The following TRIM32 variants were observed in gnomAD, a reference collection of about 807,000 sequenced individuals.
TRIM32 encodes tripartite motif containing 32.
Under a neutral mutation model 36.0 loss-of-function variants are expected in TRIM32, and 19 were observed. The observed-to-expected ratio is 0.53, with a 90% CI of 0.37 to 0.77. The LOEUF (loss-of-function observed/expected upper bound fraction) is 0.77. Among genes scored for constraint, TRIM32 ranks in the 30% least tolerant of loss-of-function variants. The probability of loss-of-function intolerance (pLI) is 0.00; values close to 1 mark genes in which losing one functional copy is unlikely to be tolerated. For missense variants in TRIM32, 747 were observed against 845.2 expected (o/e 0.88, Z 1.44); for synonymous variants, 309 against 318.5 (o/e 0.97, Z 0.32).
intron 1 of TRIM32, among the ~76,000 whole-genome samples, chr9:116,693,879 T>C (rs1213278855): frequency 2.0e-5 from 3 of 152,232 alleles, no homozygotes; most frequent in Non-Finnish European, 4.4e-5. Flanking sequence ...AGATGTGCCC[T>C]TCTGGAGGAG....
chr9:116,695,657 C>G (rs1398407196), intron 1 of TRIM32, among the ~76,000 whole-genome samples: 2 of 152,196 alleles, frequency 1.3e-5, no homozygotes, highest in Admixed American at 6.5e-5. Flanking sequence ...TGCACAGATA[C>G]AGCTGTAGGA....
chr9:116,699,667 TC>T lies in TRIM32; in HGVS notation c.1926del (p.Tyr643ThrfsTer5). On this transcript the variant is annotated frameshift_variant, in exon 2 of 2. Coordinates refer to ENST00000450136, the MANE Select transcript of TRIM32 (RefSeq NM_012210.4). LOFTEE classifies it high-confidence loss of function. The surrounding 1 kb of genome is among the most constrained non-coding windows in gnomAD (Gnocchi z 4.2). ...VLDCWDHCIKIYSYHLRRYST... is the reference protein window; with the variant it reads ...VLDCWDHCIKXYSYHLRRYST... ...GACTGTTGGGATCATTGCATCAAGA[TC>T]TACAGCTACCATCTGAGAAGATATT... 6.2e-7 allele frequency: 1 copy of T among 1,614,194 alleles called. No individual in the cohort carries two copies. The highest frequency in any genetic ancestry group is 1.1e-5 in the South Asian group (1 of 91,082).
chr9:116,698,021 G>A lies in TRIM32; in HGVS notation c.279G>A (p.Glu93=), dbSNP rs1189793134. 4 of 1,614,094 alleles carry A rather than the reference G, an allele frequency of 2.5e-6. No homozygotes were observed. The highest frequency in any genetic ancestry group is 3.4e-6 in the Non-Finnish European group (4 of 1,180,040). Residue 93 remains glutamate, a synonymous_variant, in exon 2 of 2, where the codon GAG becomes GAA. Coordinates refer to ENST00000450136, the MANE Select transcript of TRIM32 (RefSeq NM_012210.4). This position sits in a 1 kb window ranked among gnomAD's most constrained non-coding sequence, Gnocchi z 4.4. ...TCATTGATACAGCTGGGCTCAGCGA[G>A]GCTGTGGGGCTGCTCATGTGTCGGT... ...LKIIDTAGLS[E]AVGLLMCRSC... is the part of the protein sequence containing the mutation.
At position 116,698,540 on chromosome 9, in the gene TRIM32, T is replaced by TGCCAGCTTGCCTCGGGAGCTCACC. The variant is rs1482204623; in HGVS notation, c.799_822dup (p.Ala267_Thr274dup). ...CTGATGAGGAGGAGCCAGAGCTCAC[T>TGCCAGCTTGCCTCGGGAGCTCACC]GCCAGCTTGCCTCGGGAGCTCACCC... On this transcript the variant is annotated inframe_insertion, in exon 2 of 2. Transcript: ENST00000450136. This position sits in a 1 kb window ranked among gnomAD's most constrained non-coding sequence, Gnocchi z 4.4. 1.2e-6 allele frequency: 2 copies of TGCCAGCTTGCCTCGGGAGCTCACC among 1,613,926 alleles called. No individual in the cohort carries two copies. The highest frequency in any genetic ancestry group is 1.7e-6 in the Non-Finnish European group (2 of 1,180,014).
intron 1 of TRIM32, among the ~76,000 whole-genome samples, chr9:116,690,850 ATAG>A (rs1220244148): frequency 6.6e-6 from 1 of 152,162 alleles, no homozygotes; most frequent in African/African-American, 2.4e-5. Context: ...CTGACAATAA[ATAG>A]TAGTTGCTTT....
In TRIM32 at chr9:116,699,672, A is replaced by G. The variant is rs1462453134; in HGVS notation, c.1930A>G (p.Ser644Gly). Residue 644 changes from serine (S) to glycine (G), a missense_variant, in exon 2 of 2, where the codon AGC becomes GGC. Coordinates refer to ENST00000450136, the MANE Select transcript of TRIM32 (RefSeq NM_012210.4). The surrounding 1 kb of genome is among the most constrained non-coding windows in gnomAD (Gnocchi z 4.2). ...DCWDHCIKIYSYHLRRYSTP is the reference protein window; with the variant it reads ...DCWDHCIKIYGYHLRRYSTP ...TTGGGATCATTGCATCAAGATCTAC[A>G]GCTACCATCTGAGAAGATATTCCAC... The G allele has an allele frequency of 1.1e-5, 18 of 1,614,048 alleles. No homozygotes were observed. Among genetic ancestry groups the G allele is most frequent in the Middle Eastern group, 1.6e-4 (1 of 6,084 alleles).
chr9:116,687,549 G>A (rs1860326759), intron 1 of TRIM32, among the ~76,000 whole-genome samples, 168 bp downstream of exon 1: 1 of 144,508 alleles, frequency 6.9e-6, no homozygotes, highest in South Asian at 2.4e-4. Flanking sequence ...GTGGGGCTGC[G>A]AGGGGCAGGC....
chr9:116,698,639 G>C lies in TRIM32; in HGVS notation c.897G>C (p.Arg299=), dbSNP rs1861011036. Residue 299 remains arginine, a synonymous_variant, in exon 2 of 2, where the codon CGG becomes CGC. Coordinates refer to ENST00000450136, the MANE Select transcript of TRIM32 (RefSeq NM_012210.4). This position sits in a 1 kb window ranked among gnomAD's most constrained non-coding sequence, Gnocchi z 4.4. ...LQIGQAVKKP[R]TVNVEDSWAM... Reference sequence around the variant, plus strand: ...TTGGACAAGCTGTTAAGAAGCCCCGGACAGTTAACGTGGAAGATTCCTGGG... The same window carrying C: ...TTGGACAAGCTGTTAAGAAGCCCCGCACAGTTAACGTGGAAGATTCCTGGG... 2 of 1,614,030 alleles carry C rather than the reference G, an allele frequency of 1.2e-6. No homozygotes were observed. Among genetic ancestry groups the C allele is most frequent in the East Asian group, 2.2e-5 (1 of 44,882 alleles).
In TRIM32 at chr9:116,698,614, T is replaced by C. The variant is rs762907412; in HGVS notation, c.872T>C (p.Ile291Thr). ...GTAGGTCATGTTGGCCCCCTCCAAA[T>C]TGGACAAGCTGTTAAGAAGCCCCGG... ...LKVGHVGPLQ[I>T]GQAVKKPRTV... is the part of the protein sequence containing the mutation. The change falls in exon 2 of 2, where the codon ATT becomes ACT. Residue 291 changes from isoleucine to threonine, a missense_variant. Coordinates refer to ENST00000450136, the MANE Select transcript of TRIM32 (RefSeq NM_012210.4). The surrounding 1 kb of genome is among the most constrained non-coding windows in gnomAD (Gnocchi z 4.4). 1 of 1,614,100 alleles carries C rather than the reference T, an allele frequency of 6.2e-7. No individual in the cohort carries two copies. Among genetic ancestry groups the C allele is most frequent in the Non-Finnish European group, 8.5e-7 (1 of 1,180,022 alleles).
Position 116,699,374 on chromosome 9 carries a change from C to T in TRIM32, c.1632C>T (p.His544=), listed in dbSNP as rs1313150999. ...GLNLENRQNE[H]HLEGGFSIGS... Reference sequence around the variant, plus strand: ...ATCTGGAGAATCGGCAGAATGAGCACCACCTGGAGGGTGGCTTTTCCATTG... The same window carrying T: ...ATCTGGAGAATCGGCAGAATGAGCATCACCTGGAGGGTGGCTTTTCCATTG... The change falls in exon 2 of 2, where the codon CAC becomes CAT. Residue 544 remains histidine, a synonymous_variant. Coordinates refer to ENST00000450136, the MANE Select transcript of TRIM32 (RefSeq NM_012210.4). The surrounding 1 kb of genome is among the most constrained non-coding windows in gnomAD (Gnocchi z 4.2). The T allele has an allele frequency of 2.5e-6, 4 of 1,614,196 alleles. No homozygotes were observed. The highest frequency in any genetic ancestry group is 2.2e-5 in the South Asian group (2 of 91,076).
chr9:116,700,435 T>C lies in TRIM32; in HGVS notation c.*731T>C, dbSNP rs533288656. ...GCCTTTTAAAGAAGCATATATGGGT[T>C]GGAATTATGCCAAAGCATAGGAAGC... On this transcript the variant is annotated 3_prime_UTR_variant, in exon 2 of 2. Transcript: ENST00000450136. 5.4e-5 allele frequency: 9 copies of C among 167,272 alleles called. No individual in the cohort carries two copies. The East Asian group carries it at 1.5e-3, about 29-fold the overall frequency. 10.4% of individuals were successfully genotyped at this position (167,272 alleles called of 1,614,324 possible).
intron 1 of TRIM32, among the ~76,000 whole-genome samples, chr9:116,691,292 AG>A (rs1860554327): frequency 6.6e-6 from 1 of 152,102 alleles, no homozygotes; most frequent in Non-Finnish European, 1.5e-5. Flanking sequence ...AAAGAGAGAG[AG>A]GGTTGAGGTT....
chr9:116,694,062 C>T (rs1860709630), intron 1 of TRIM32, among the ~76,000 whole-genome samples: 1 of 152,166 alleles, frequency 6.6e-6, no homozygotes, highest in African/African-American at 2.4e-5. Context: ...CAAAGCATGG[C>T]AGCTTTGGGG....
At chr9:116,687,623 G>T (rs1164407621) in intron 1 of TRIM32, among the ~76,000 whole-genome samples, 1 of 151,570 alleles carries the variant, frequency 6.6e-6, no homozygotes, top group Non-Finnish European at 1.5e-5. Context: ...GGAGCGAGGG[G>T]CTCTGAAGAG....
At chr9:116,692,453 T>C (rs1053198685) in intron 1 of TRIM32, among the ~76,000 whole-genome samples, 1 of 152,248 alleles carries the variant, frequency 6.6e-6, no homozygotes, top group African/African-American at 2.4e-5. Context: ...GGCTTGGTAC[T>C]GTACTTAGTG....
At chr9:116,691,217 C>T (rs925250996) in intron 1 of TRIM32, among the ~76,000 whole-genome samples, 6 of 152,070 alleles carry the variant, frequency 3.9e-5, no homozygotes, top group African/African-American at 1.4e-4. Flanking sequence ...CCTAGGATCT[C>T]CTTGATCCTT....
At position 116,698,053 on chromosome 9, in the gene TRIM32, G is replaced by A; in HGVS notation, c.311G>A (p.Gly104Glu). The A allele has an allele frequency of 6.2e-7, 1 of 1,614,030 alleles. No individual in the cohort carries two copies. Among genetic ancestry groups the A allele is most frequent in the Non-Finnish European group, 8.5e-7 (1 of 1,180,030 alleles). Residue 104 changes from glycine to glutamate, a missense_variant, in exon 2 of 2, where the codon GGG becomes GAG. Gly to Glu is a moderately conservative substitution (Grantham distance 98, BLOSUM62 -2). Transcript: ENST00000450136. This position sits in a 1 kb window ranked among gnomAD's most constrained non-coding sequence, Gnocchi z 4.4. ...AVGLLMCRSC[G>E]RRLPRQFCRS... ...GGGCTGCTCATGTGTCGGTCCTGTGGGCGGCGTCTGCCCCGGCAATTCTGC... is the reference window on the plus strand; with the variant it reads ...GGGCTGCTCATGTGTCGGTCCTGTGAGCGGCGTCTGCCCCGGCAATTCTGC...
intron 1 of TRIM32, among the ~76,000 whole-genome samples, chr9:116,694,459 C>CTTTTT (rs56666915): frequency 0.14 from 12,320 of 87,802 alleles, 1,877 homozygotes; most frequent in Middle Eastern, 0.19. Context: ...TGTAATTTCT[C>CTTTTT]TTTTTTTTTT....
chr9:116,692,231 T>A (rs1445382853), intron 1 of TRIM32, among the ~76,000 whole-genome samples: 5 of 152,184 alleles, frequency 3.3e-5, no homozygotes, highest in Non-Finnish European at 7.4e-5. Context: ...CCTTAGATCA[T>A]CTCTAATCTT....
Sources: gnomAD v4.1 joint callset for allele counts (sites outside exome capture counted in the v4.1 genomes callset) on GRCh38, gnomAD v4.1.1 for gene constraint, Gnocchi (gnomAD v3.1) non-coding constraint, MANE v1.5 for transcripts, NCBI Gene and HGNC (gene_info 2026-07-23, HGNC 2026-07-21) for gene names.